The following RPGR variants were observed in gnomAD, a reference collection of about 807,000 sequenced individuals.
RPGR encodes the protein X-linked retinitis pigmentosa GTPase regulator.
A neutral mutation model predicts 56.3 loss-of-function variants in RPGR; 10 were observed. The observed-to-expected ratio is 0.18, with a 90% CI of 0.11 to 0.30. RPGR has a LOEUF of 0.30. Among genes scored for constraint, RPGR ranks in the 10% least tolerant of loss-of-function variants. The pLI, the probability that RPGR is intolerant of heterozygous loss-of-function variation, is 1.00. For missense variants in RPGR, 538 were observed against 590.9 expected, an observed-to-expected ratio of 0.91 and a Z score of 0.93; for synonymous variants, 197 against 212.9, an observed-to-expected ratio of 0.93 and a Z score of 0.65.
chrX:38,312,469 T>C (rs925659090), intron 6 of RPGR, among the ~76,000 whole-genome samples: 2 of 110,321 alleles, frequency 1.8e-5, no homozygotes, highest in African/African-American at 6.6e-5. Context: ...GCTCTAATTA[T>C]GACACTTCCA....
chrX:38,284,078 T>C (rs746104544), intron 15 of RPGR, among the ~76,000 whole-genome samples: 18 of 111,553 alleles, frequency 1.6e-4, no homozygotes, highest in African/African-American at 5.5e-4. Context: ...TTCATACGAT[T>C]CTAGACTTTT....
In RPGR at chrX:38,274,290, TGG is replaced by T. The variant is rs1435267116; in HGVS notation, c.2149+797_2149+798del. Among the ~76,000 whole-genome samples the T allele has an allele frequency of 4.5e-5, 5 of 111,425 alleles. No homozygotes were observed. In the Admixed American group the frequency reaches 4.8e-4, roughly 11 times the overall value. On this transcript the variant is annotated intron_variant, in intron 17 of 18. Coordinates refer to ENST00000642395, the MANE Select transcript of RPGR (RefSeq NM_000328.3). ...GCTCTCTGACACTGATAGGTAGGCT[TGG>T]GAAAGGACTTCTCTTCAGTATCTAC...
At chrX:38,290,493 A>G (rs2067260290) in intron 13 of RPGR, among the ~76,000 whole-genome samples, 1 of 112,245 alleles carries the variant, frequency 8.9e-6, no homozygotes. Flanking sequence ...AAGCCCAACC[A>G]AATATTGGAA....
chrX:38,306,410 T>C (rs1323705883), intron 7 of RPGR, among the ~76,000 whole-genome samples: 5 of 112,354 alleles, frequency 4.5e-5, no homozygotes, highest in Non-Finnish European at 7.5e-5. Context: ...ATCAACTCAT[T>C]CTATCAATGG....
chrX:38,277,180 A>C (rs1448984334), intron 15 of RPGR, among the ~76,000 whole-genome samples: 4 of 112,482 alleles, frequency 3.6e-5, no homozygotes, highest in African/African-American at 1.3e-4. Context: ...GGGATTTAGA[A>C]TCACTTCAGA....
intron 7 of RPGR, among the ~76,000 whole-genome samples, chrX:38,306,704 T>C (rs1292426671): frequency 5.3e-5 from 6 of 112,571 alleles, no homozygotes; most frequent in Non-Finnish European, 5.6e-5. Context: ...TATCTCTAGC[T>C]GACCAACAAT....
intron 18 of RPGR, among the ~76,000 whole-genome samples, chrX:38,271,218 A>G (rs1206114298): frequency 8.9e-6 from 1 of 112,068 alleles, no homozygotes; most frequent in African/African-American, 3.2e-5. Flanking sequence ...AAAAAGTGAT[A>G]ATCCAAAAAG....
At chrX:38,314,535 C>A (rs2067781836) in intron 6 of RPGR, among the ~76,000 whole-genome samples, 1 of 111,383 alleles carries the variant, frequency 9.0e-6, no homozygotes, top group South Asian at 3.7e-4. Context: ...TTACTTATAT[C>A]CCCTATTGTA....
At chrX:38,271,255 A>G (rs1244990044) in intron 18 of RPGR, among the ~76,000 whole-genome samples, 1 of 112,218 alleles carries the variant, frequency 8.9e-6, no homozygotes, top group Non-Finnish European at 1.9e-5. Context: ...GGATCTATGG[A>G]TTAAAATGGA....
intron 6 of RPGR, among the ~76,000 whole-genome samples, chrX:38,315,961 AACAT>A (rs1490734406): frequency 1.5e-4 from 16 of 110,043 alleles, no homozygotes; most frequent in Admixed American, 1.3e-3. Context: ...CTACAAATTC[AACAT>A]ACAAAGAGAA....
At chrX:38,285,801 CTCT>C (rs772393926) in intron 15 of RPGR, 12 of 1,209,161 alleles carry the variant, frequency 9.9e-6, no homozygotes, top group East Asian at 3.0e-5. Flanking sequence ...GATACTTCCC[CTCT>C]TCTTCCTCCT....
At chrX:38,306,695 A>C (rs1450438646) in intron 7 of RPGR, among the ~76,000 whole-genome samples, 1 of 112,435 alleles carries the variant, frequency 8.9e-6, no homozygotes, top group Non-Finnish European at 1.9e-5. Context: ...GCAATTATCT[A>C]TCTCTAGCTG....
chrX:38,285,745 T>C (rs1339949221), intron 15 of RPGR: 1 of 1,211,179 alleles, frequency 8.3e-7, no homozygotes, highest in Non-Finnish European at 1.1e-6. Context: ...CACTTTTTTG[T>C]ACTCCTCTCC....
At chrX:38,290,080 A>T (rs1207693369) in intron 13 of RPGR, among the ~76,000 whole-genome samples, 2 of 112,588 alleles carry the variant, frequency 1.8e-5, no homozygotes, top group South Asian at 3.7e-4. Context: ...TCAGTATTAT[A>T]GATAGAACGA....
chrX:38,269,901 G>A, intron 18 of RPGR: 1 of 783,484 alleles, frequency 1.3e-6, no homozygotes, highest in African/African-American at 2.1e-5. Context: ...AGTATTTAGG[G>A]GATATCATTT....
intron 6 of RPGR, chrX:38,317,098 A>G (rs901939252): frequency 2.6e-6 from 1 of 384,982 alleles, no homozygotes; most frequent in Non-Finnish European, 4.5e-6. Context: ...AGCTCTCTAT[A>G]TTCACCTAAA....
At chrX:38,279,957 CTA>C (rs2067000777) in intron 15 of RPGR, among the ~76,000 whole-genome samples, 2 of 109,809 alleles carry the variant, frequency 1.8e-5, no homozygotes, top group African/African-American at 6.6e-5. Context: ...CATGTTTTAA[CTA>C]CACTGAAAAT....
chrX:38,287,837 G>A (rs752846611), intron 14 of RPGR, 24 bp downstream of exon 14: 15 of 1,194,378 alleles, frequency 1.3e-5, no homozygotes, highest in African/African-American at 1.8e-5. Flanking sequence ...TCAGCCTGAG[G>A]TCCCACCTGG....
At chrX:38,281,554 G>A (rs912670463) in intron 15 of RPGR, among the ~76,000 whole-genome samples, 1 of 112,059 alleles carries the variant, frequency 8.9e-6, no homozygotes, top group African/African-American at 3.2e-5. Context: ...CTAAACTCAC[G>A]CACATCAGTC....
Sources: gnomAD v4.1 joint callset for allele counts (sites outside exome capture counted in the v4.1 genomes callset) on GRCh38, gnomAD v4.1.1 for gene constraint, MANE v1.5 for transcripts, NCBI Gene and HGNC (gene_info 2026-07-23, HGNC 2026-07-21) for gene names.